ITPK1: variants seen among roughly 807,000 people sequenced by gnomAD.
ITPK1 encodes inositol-tetrakisphosphate 1-kinase, also known as inositol 1,3,4-trisphosphate 5/6-kinase.
In ITPK1, 21 loss-of-function variants were observed where a neutral mutation model predicts 45.3. The ratio of observed to expected loss-of-function variants is 0.46; its 90% CI spans 0.33 to 0.67. ITPK1 has a LOEUF of 0.67. Ranked by LOEUF, ITPK1 falls within the 30% of genes least tolerant of loss-of-function variation. The probability of loss-of-function intolerance (pLI) is 0.02; values close to 1 mark genes in which losing one functional copy is unlikely to be tolerated. For missense variants in ITPK1, 474 were observed against 573.5 expected, an observed-to-expected ratio of 0.83 and a Z score of 1.77; for synonymous variants, 258 against 253.6, an observed-to-expected ratio of 1.02 and a Z score of -0.16.
chr14:93,028,706 C>G (rs1360085671), intron 3 of ITPK1, among the ~76,000 whole-genome samples: 1 of 152,240 alleles, frequency 6.6e-6, no homozygotes, highest in Admixed American at 6.5e-5. Flanking sequence ...CTCTCAGACC[C>G]TCCGGAACCT....
chr14:93,075,498 G>GCCAACTACCCCAAA, intron 3 of ITPK1, among the ~76,000 whole-genome samples: 3 of 152,068 alleles, frequency 2.0e-5, no homozygotes, highest in Non-Finnish European at 4.4e-5. Flanking sequence ...GTCTTCCAGT[G>GCCAACTACCCCAAA]ACAAGTTCAA....
At chr14:93,004,136 C>A (rs1187168353) in intron 4 of ITPK1, among the ~76,000 whole-genome samples, 1 of 152,188 alleles carries the variant, frequency 6.6e-6, no homozygotes, top group Non-Finnish European at 1.5e-5. Context: ...GCACGCATCC[C>A]AGTCGCCTGC....
chr14:93,017,585 G>C (rs1448640062), intron 3 of ITPK1, among the ~76,000 whole-genome samples: 2 of 152,176 alleles, frequency 1.3e-5, no homozygotes, highest in Non-Finnish European at 2.9e-5. Flanking sequence ...CCCGCTTCCT[G>C]ACCCGCCACA....
At chr14:93,024,158 G>A (rs1353838561) in intron 3 of ITPK1, among the ~76,000 whole-genome samples, 3 of 152,292 alleles carry the variant, frequency 2.0e-5, no homozygotes, top group South Asian at 4.1e-4. Flanking sequence ...CGGGGAGAGC[G>A]GAGAGGATCC....
rs1438573493 is a variant in ITPK1, at chr14:93,003,872, T to A, written c.247-9875A>T. On this transcript the variant is annotated intron_variant, in intron 4 of 10. Coordinates refer to ENST00000267615, the MANE Select transcript of ITPK1 (RefSeq NM_014216.6). ...TCCTAGAACTGCCATTCACTTTATG[T>A]GTGTTTCTGAAAGTCACTTAAGTTA... 4.6e-5 allele frequency among the ~76,000 whole-genome samples: 7 copies of A among 152,272 alleles called. No individual in the cohort carries two copies. The East Asian group carries it at 1.3e-3, about 29-fold the overall frequency.
At chr14:92,981,572 G>A (rs1886231015) in intron 5 of ITPK1, among the ~76,000 whole-genome samples, 2 of 152,130 alleles carry the variant, frequency 1.3e-5, no homozygotes, top group Non-Finnish European at 1.5e-5. Flanking sequence ...TGGGATTTCT[G>A]CTCAGAGCCT....
In ITPK1 at chr14:93,063,226, A is replaced by G. The variant is rs879669282; in HGVS notation, c.120+13369T>C. Among the ~76,000 whole-genome samples, 1 of 152,192 alleles carries G rather than the reference A, an allele frequency of 6.6e-6. No individual in the cohort carries two copies. Among genetic ancestry groups the G allele is most frequent in the Admixed American group, 6.5e-5 (1 of 15,290 alleles). ...ACTTGGCAGGGCCTGCGGCAAAAAT[A>G]CTGCCTGGGCAAGGAAGGGAGTGAG... On this transcript the variant is annotated intron_variant, in intron 3 of 10. Transcript: ENST00000267615. The surrounding 1 kb of genome is among the most constrained non-coding windows in gnomAD (Gnocchi z 4.3).
chr14:92,997,095 G>A (rs1887093501), intron 4 of ITPK1, among the ~76,000 whole-genome samples: 1 of 152,202 alleles, frequency 6.6e-6, no homozygotes, highest in African/African-American at 2.4e-5. Context: ...GTAACGGGAG[G>A]GCCACCCACG....
At chr14:92,971,199 G>A (rs1885636295) in intron 5 of ITPK1, among the ~76,000 whole-genome samples, 1 of 152,134 alleles carries the variant, frequency 6.6e-6, no homozygotes, top group Non-Finnish European at 1.5e-5. Context: ...CACCCGACTG[G>A]GCACTCTGCA....
In ITPK1 at chr14:93,016,263, C is replaced by T. The variant is rs1190035491; in HGVS notation, c.246+413G>A. Among the ~76,000 whole-genome samples the T allele has an allele frequency of 6.6e-6, 1 of 152,106 alleles. No individual in the cohort carries two copies. The highest frequency in any genetic ancestry group is 1.5e-5 in the Non-Finnish European group (1 of 68,016). ...AATGGGCAGAGGCAGGGTTCTCCAC[C>T]AAGGCAGGACTCAGTTCAAAGGCCC... On this transcript the variant is annotated intron_variant, in intron 4 of 10. Coordinates refer to ENST00000267615, the MANE Select transcript of ITPK1 (RefSeq NM_014216.6). The surrounding 1 kb of genome is among the most constrained non-coding windows in gnomAD (Gnocchi z 5.0).
At chr14:93,038,583 A>G (rs1889419712) in intron 3 of ITPK1, among the ~76,000 whole-genome samples, 1 of 152,084 alleles carries the variant, frequency 6.6e-6, no homozygotes, top group Non-Finnish European at 1.5e-5. Flanking sequence ...GCTGGAGTGC[A>G]ATGGTGCAAT....
chr14:92,969,985 A>G (rs2139759116), intron 5 of ITPK1, among the ~76,000 whole-genome samples: 1 of 152,278 alleles, frequency 6.6e-6, no homozygotes, highest in East Asian at 1.9e-4. Context: ...AGAAAGGGGA[A>G]GGAACTAGTT....
rs183945035 is a variant in ITPK1 at position 93,016,498 on chromosome 14, A to G, written c.246+178T>C. ...CAGTCCCCACGCTACACCCGAGGAC[A>G]CTGACGCCGCACAGAAGTACCTGCC... is the stretch of plus-strand genomic sequence containing the variant. On this transcript the variant is annotated intron_variant, in intron 4 of 10. Coordinates refer to ENST00000267615, the MANE Select transcript of ITPK1 (RefSeq NM_014216.6). The surrounding 1 kb of genome is among the most constrained non-coding windows in gnomAD (Gnocchi z 5.0). Among the ~76,000 whole-genome samples the G allele has an allele frequency of 6.6e-6, 1 of 152,298 alleles. No homozygotes were observed. The highest frequency in any genetic ancestry group is 2.4e-5 in the African/African-American group (1 of 41,556).
intron 3 of ITPK1, among the ~76,000 whole-genome samples, chr14:93,056,303 G>A (rs990163635): frequency 7.9e-5 from 12 of 152,216 alleles, no homozygotes; most frequent in African/African-American, 2.9e-4. Context: ...CCAGGCCAAG[G>A]CCTCTGGGGT....
At chr14:92,986,660 C>T (rs760129322) in intron 5 of ITPK1, among the ~76,000 whole-genome samples, 7 of 152,170 alleles carry the variant, frequency 4.6e-5, no homozygotes, top group East Asian at 3.9e-4. Flanking sequence ...AGCTGGAGGG[C>T]GCTGGAGGGG....
intron 2 of ITPK1, among the ~76,000 whole-genome samples, chr14:93,088,341 GTTTT>G (rs1179019290): frequency 2.3e-5 from 3 of 132,720 alleles, no homozygotes; most frequent in Non-Finnish European, 4.8e-5. Flanking sequence ...GTTTTGTTTT[GTTTT>G]TTTTTTTTTT....
chr14:93,021,910 G>A (rs1051361684), intron 3 of ITPK1, among the ~76,000 whole-genome samples: 9 of 152,120 alleles, frequency 5.9e-5, no homozygotes, highest in African/African-American at 2.2e-4. Context: ...CTGAGTAACT[G>A]GTTTCCAATT....
chr14:93,052,637 A>G (rs1175736987), intron 3 of ITPK1, among the ~76,000 whole-genome samples: 2 of 152,210 alleles, frequency 1.3e-5, no homozygotes, highest in South Asian at 2.1e-4. Flanking sequence ...GTGGGCTGGA[A>G]GTTCGCCCCC....
intron 3 of ITPK1, chr14:93,069,540 CCT>C (rs964135876): frequency 1.3e-5 from 2 of 153,936 alleles, no homozygotes; most frequent in Non-Finnish European, 2.9e-5. Context: ...GCCTCCATCC[CCT>C]GATGGCCCAC....
Sources: allele counts gnomAD v4.1 joint callset (sites outside exome capture counted in the v4.1 genomes callset), GRCh38; gene constraint gnomAD v4.1.1; non-coding constraint Gnocchi (gnomAD v3.1); transcripts MANE v1.5; gene names NCBI Gene and HGNC (gene_info 2026-07-23, HGNC 2026-07-21).